AFF3: variants seen among roughly 807,000 people sequenced by gnomAD.
AFF3 encodes the protein ALF transcription elongation factor 3, also known as AF4/FMR2 family member 3.
A neutral mutation model predicts 129.7 loss-of-function variants in AFF3; 32 were observed. That is an observed-to-expected ratio of 0.25 (90% CI 0.19 to 0.33). The LOEUF (loss-of-function observed/expected upper bound fraction) is 0.33. AFF3 is among the 10% of genes least tolerant of loss of function. The probability of loss-of-function intolerance (pLI) is 1.00; values close to 1 mark genes in which losing one functional copy is unlikely to be tolerated. For missense variants in AFF3, 1,373 were observed against 1,592.0 expected (o/e 0.86, Z 2.34); for synonymous variants, 644 against 635.4 (o/e 1.01, Z -0.20).
chr2:100,094,927 A>C (rs1283214341), intron 4 of AFF3, among the ~76,000 whole-genome samples: 3 of 131,586 alleles, frequency 2.3e-5, no homozygotes, highest in Admixed American at 2.2e-4. Flanking sequence ...ACAAGAAGCA[A>C]GTGGGCCATG....
chr2:100,060,504 C>T (rs1262283644), intron 4 of AFF3, among the ~76,000 whole-genome samples: 1 of 152,162 alleles, frequency 6.6e-6, no homozygotes, highest in Non-Finnish European at 1.5e-5. Flanking sequence ...AAGATGGTCA[C>T]AGGTGTTGCT....
intron 7 of AFF3, among the ~76,000 whole-genome samples, chr2:99,983,340 A>G (rs945410549): frequency 6.6e-6 from 1 of 152,118 alleles, no homozygotes; most frequent in Non-Finnish European, 1.5e-5. Context: ...CTTCAGGTAA[A>G]GGCTGTTCCC....
intron 13 of AFF3, among the ~76,000 whole-genome samples, chr2:99,619,233 G>A (rs62154487): frequency 0.037 from 5,605 of 152,304 alleles, 126 homozygotes; most frequent in East Asian, 0.045. Flanking sequence ...CAAATAAAGT[G>A]AGCTCTGAAT....
intron 8 of AFF3, among the ~76,000 whole-genome samples, chr2:99,835,152 C>G (rs531228681): frequency 2.0e-5 from 3 of 152,316 alleles, no homozygotes; most frequent in African/African-American, 7.2e-5. Flanking sequence ...CTCCCACTCC[C>G]TCTTGCTTCT....
chr2:99,946,334 G>A (rs1443567029), intron 7 of AFF3, among the ~76,000 whole-genome samples: 1 of 151,606 alleles, frequency 6.6e-6, no homozygotes, highest in Non-Finnish European at 1.5e-5. Context: ...ACATAAGCTG[G>A]GCATGGGTGG....
At chr2:99,617,450 T>C (rs1205823573) in intron 13 of AFF3, among the ~76,000 whole-genome samples, 9 of 152,224 alleles carry the variant, frequency 5.9e-5, no homozygotes, top group Non-Finnish European at 1.3e-4. Context: ...CATTTGCATA[T>C]TTTCTTTGGA....
At chr2:99,903,530 T>C (rs368261975) in intron 7 of AFF3, among the ~76,000 whole-genome samples, 1 of 152,198 alleles carries the variant, frequency 6.6e-6, no homozygotes, top group South Asian at 2.1e-4. Context: ...TCTTTAAAAT[T>C]AGAGTTCAAG....
chr2:99,787,973 C>A (rs1003101456), intron 8 of AFF3, among the ~76,000 whole-genome samples: 12 of 152,172 alleles, frequency 7.9e-5, no homozygotes, highest in African/African-American at 2.9e-4. Context: ...TGAGGGCAGT[C>A]CTGTAAGATT....
At chr2:99,707,597 G>C in intron 11 of AFF3, 1 of 984,572 alleles carries the variant, frequency 1.0e-6, no homozygotes, top group Non-Finnish European at 1.2e-6. Context: ...TAATAAACAA[G>C]TTGTGGTATT....
At chr2:99,932,106 T>G (rs1326417838) in intron 7 of AFF3, among the ~76,000 whole-genome samples, 4 of 152,214 alleles carry the variant, frequency 2.6e-5, no homozygotes, top group Non-Finnish European at 5.9e-5. Context: ...AGATCAAGCT[T>G]GTCCAACCTG....
intron 13 of AFF3, among the ~76,000 whole-genome samples, chr2:99,646,598 A>G (rs1684717536): frequency 6.6e-6 from 1 of 152,170 alleles, no homozygotes; most frequent in Non-Finnish European, 1.5e-5. Context: ...TGGGCCTAGA[A>G]CCCCACTTTG....
At chr2:99,773,239 A>C (rs1374344571) in intron 8 of AFF3, among the ~76,000 whole-genome samples, 3 of 152,218 alleles carry the variant, frequency 2.0e-5, no homozygotes, top group African/African-American at 7.2e-5. Flanking sequence ...TTCTGAGGGC[A>C]GAGACCCCCT....
At chr2:100,116,507 G>T (rs1691742865) in intron 2 of AFF3, among the ~76,000 whole-genome samples, 1 of 151,902 alleles carries the variant, frequency 6.6e-6, no homozygotes, top group South Asian at 2.1e-4. Context: ...AACATACATG[G>T]CTTTGTTTAC....
chr2:99,687,026 G>A (rs968413571), intron 11 of AFF3, among the ~76,000 whole-genome samples: 1 of 152,230 alleles, frequency 6.6e-6, no homozygotes. Context: ...CTCCCTTAGG[G>A]AGCTCCAGTC....
At chr2:100,038,706 A>G (rs1213474147) in intron 4 of AFF3, among the ~76,000 whole-genome samples, 5 of 151,052 alleles carry the variant, frequency 3.3e-5, no homozygotes, top group African/African-American at 1.2e-4. Flanking sequence ...TATGCAGCAT[A>G]TTTATTTTCT....
At chr2:99,872,100 G>T (rs1691907228) in intron 7 of AFF3, among the ~76,000 whole-genome samples, 1 of 151,388 alleles carries the variant, frequency 6.6e-6, no homozygotes, top group African/African-American at 2.4e-5. Flanking sequence ...CAGCTACTCG[G>T]GAGGCTGAGG....
At chr2:99,840,488 G>A (rs1412347663) in intron 7 of AFF3, among the ~76,000 whole-genome samples, 3 of 152,184 alleles carry the variant, frequency 2.0e-5, no homozygotes, top group African/African-American at 7.2e-5. Flanking sequence ...TACTAGTAGT[G>A]CATGAAGACA....
Position 99,558,926 on chromosome 2 carries a change from G to A in AFF3, c.3234C>T (p.Leu1078=), listed in dbSNP as rs776039104. 2 of 1,614,180 alleles carry A rather than the reference G, an allele frequency of 1.2e-6. No individual in the cohort carries two copies. The highest frequency in any genetic ancestry group is 1.7e-5 in the Admixed American group (1 of 60,028). The change falls in exon 22 of 25, where the codon CTC becomes CTT. Residue 1078 remains leucine (L), a synonymous_variant. Coordinates refer to ENST00000672756, the MANE Select transcript of AFF3 (RefSeq NM_001386135.1). ...LALLYWRMFR[L]KRDHAVKYSK... ...AATACTTTACAGCGTGGTCCCTTTT[G>A]AGTCGAAACATCCGCCAGTACAGGA...
intron 7 of AFF3, among the ~76,000 whole-genome samples, chr2:99,902,535 A>G (rs370401319): frequency 1.3e-5 from 2 of 152,176 alleles, no homozygotes; most frequent in Non-Finnish European, 2.9e-5. Context: ...CTCATTTTAC[A>G]TGATAGGCAT....
Sources: gnomAD v4.1 joint callset for allele counts (sites outside exome capture counted in the v4.1 genomes callset) on GRCh38, gnomAD v4.1.1 for gene constraint, MANE v1.5 for transcripts, NCBI Gene and HGNC (gene_info 2026-07-23, HGNC 2026-07-21) for gene names.